Variants in CNTN4 observed in about 807,000 individuals in gnomAD.
CNTN4 encodes the protein contactin 4.
In CNTN4, 77 loss-of-function variants were observed where a neutral mutation model predicts 122.5. That is an observed-to-expected ratio of 0.63 (90% CI 0.52 to 0.76). CNTN4 has a LOEUF of 0.76. CNTN4 is among the 30% of genes least tolerant of loss of function. CNTN4 has a pLI of 0.00. For missense variants in CNTN4, 1,256 were observed against 1,259.1 expected, an observed-to-expected ratio of 1.00 and a Z score of 0.04; for synonymous variants, 512 against 447.0, an observed-to-expected ratio of 1.15 and a Z score of -1.83.
At chr3:2,478,399 T>A (rs1157410038) in intron 3 of CNTN4, among the ~76,000 whole-genome samples, 1 of 88,442 alleles carries the variant, frequency 1.1e-5, no homozygotes, top group Non-Finnish European at 2.2e-5. Flanking sequence ...GTCTTTTCTT[T>A]ATCTGTTTGT....
At chr3:2,963,760 A>ATATTTGCTT (rs1243873393) in intron 13 of CNTN4, among the ~76,000 whole-genome samples, 1 of 152,120 alleles carries the variant, frequency 6.6e-6, no homozygotes, top group Non-Finnish European at 1.5e-5. Context: ...TATCACATTC[A>ATATTTGCTT]TATTTGCTTT....
chr3:2,367,442 G>A (rs1164998172), intron 3 of CNTN4, among the ~76,000 whole-genome samples: 1 of 152,164 alleles, frequency 6.6e-6, no homozygotes. Context: ...CTTAATTATA[G>A]TTACGGTGTA....
intron 7 of CNTN4, among the ~76,000 whole-genome samples, chr3:2,829,329 A>G (rs2093053293): frequency 6.6e-6 from 1 of 152,216 alleles, no homozygotes; most frequent in Non-Finnish European, 1.5e-5. Context: ...GTGATAAACT[A>G]TCTGACCCAC....
At chr3:3,031,902 A>G (rs550155176) in intron 16 of CNTN4, among the ~76,000 whole-genome samples, 1 of 152,302 alleles carries the variant, frequency 6.6e-6, no homozygotes, top group South Asian at 2.1e-4. Flanking sequence ...ATAAAAATTT[A>G]GGGTATGAGC....
chr3:2,666,467 T>C (rs2150335169), intron 4 of CNTN4, among the ~76,000 whole-genome samples: 1 of 152,342 alleles, frequency 6.6e-6, no homozygotes, highest in Non-Finnish European at 1.5e-5. Flanking sequence ...AATAAGTGGC[T>C]CTTTTATGAT....
At chr3:2,689,436 G>A (rs1332571026) in intron 4 of CNTN4, among the ~76,000 whole-genome samples, 1 of 152,094 alleles carries the variant, frequency 6.6e-6, no homozygotes, top group African/African-American at 2.4e-5. Flanking sequence ...CCATGCAAAT[G>A]CCTGACTCCC....
At chr3:2,686,444 C>T (rs2085434235) in intron 4 of CNTN4, among the ~76,000 whole-genome samples, 2 of 152,074 alleles carry the variant, frequency 1.3e-5, no homozygotes, top group Non-Finnish European at 2.9e-5. Flanking sequence ...ATATAGTTTC[C>T]CGGTTACTGC....
Position 2,882,946 on chromosome 3 carries a change from C to T in CNTN4, c.653-199C>T, listed in dbSNP as rs368855930. 4.2e-5 allele frequency: 22 copies of T among 523,362 alleles called. 1 individual carries two copies. The highest frequency in any genetic ancestry group is 2.3e-4 in the African/African-American group (12 of 51,932). 32.4% of individuals were successfully genotyped at this position (523,362 alleles called of 1,614,324 possible). ...AATCCAGGCAAATGGTGTGGTTCTG[C>T]GACACAAATTTTTCTGTAGCAGTAA... is the stretch of plus-strand genomic sequence containing the variant. On this transcript the variant is annotated intron_variant, in intron 8 of 24. Coordinates refer to ENST00000418658, the MANE Select transcript of CNTN4 (RefSeq NM_175607.3).
At chr3:2,270,538 C>T (rs1197404966) in intron 2 of CNTN4, among the ~76,000 whole-genome samples, 2 of 152,024 alleles carry the variant, frequency 1.3e-5, no homozygotes, top group Non-Finnish European at 2.9e-5. Flanking sequence ...TTGTTATGAC[C>T]TGTGGGGCCC....
chr3:2,591,603 A>G (rs2080492856), intron 4 of CNTN4, among the ~76,000 whole-genome samples: 1 of 144,336 alleles, frequency 6.9e-6, no homozygotes, highest in East Asian at 2.0e-4. Context: ...TGACCTCGTG[A>G]TCCGCCCGCC....
intron 4 of CNTN4, among the ~76,000 whole-genome samples, chr3:2,597,646 G>C (rs984511902): frequency 1.3e-5 from 2 of 152,114 alleles, no homozygotes; most frequent in African/African-American, 4.8e-5. Context: ...GTGGTGCTGT[G>C]TGCCTATGGA....
chr3:2,951,519 C>G (rs1308416124), intron 13 of CNTN4, among the ~76,000 whole-genome samples: 1 of 152,162 alleles, frequency 6.6e-6, no homozygotes, highest in Non-Finnish European at 1.5e-5. Context: ...CTGTCTGCAG[C>G]CTGGGGGTTG....
At chr3:2,211,945 A>T (rs1266974779) in intron 2 of CNTN4, among the ~76,000 whole-genome samples, 2 of 152,072 alleles carry the variant, frequency 1.3e-5, no homozygotes, top group African/African-American at 4.8e-5. Context: ...AGATATTCTG[A>T]TTCTGATGCT....
chr3:2,813,320 C>T (rs548376487), intron 6 of CNTN4, among the ~76,000 whole-genome samples: 1 of 152,248 alleles, frequency 6.6e-6, no homozygotes, highest in South Asian at 2.1e-4. Flanking sequence ...GAAGCAATAA[C>T]AAAGGGAACT....
intron 6 of CNTN4, among the ~76,000 whole-genome samples, chr3:2,784,471 CTT>C (rs2091733266): frequency 6.6e-6 from 1 of 152,168 alleles, no homozygotes; most frequent in Admixed American, 6.5e-5. Context: ...AAGTTAAGGT[CTT>C]TGCCTGAAGT....
intron 2 of CNTN4, among the ~76,000 whole-genome samples, chr3:2,329,843 G>A (rs1474636425): frequency 6.6e-6 from 1 of 152,078 alleles, no homozygotes; most frequent in African/African-American, 2.4e-5. Context: ...GGCTGTAAAG[G>A]AACAAACAAA....
At chr3:2,207,683 T>C (rs1201936459) in intron 2 of CNTN4, among the ~76,000 whole-genome samples, 2 of 152,106 alleles carry the variant, frequency 1.3e-5, no homozygotes, top group Non-Finnish European at 2.9e-5. Flanking sequence ...AAGTGTGATG[T>C]AGAAGCTGCA....
chr3:2,336,182 T>G (rs150595583), intron 2 of CNTN4, among the ~76,000 whole-genome samples: 1 of 152,130 alleles, frequency 6.6e-6, no homozygotes, highest in Non-Finnish European at 1.5e-5. Flanking sequence ...TAATATTCTC[T>G]TACTGTTTTA....
At chr3:2,607,823 G>GAT (rs2081324264) in intron 4 of CNTN4, among the ~76,000 whole-genome samples, 2 of 152,112 alleles carry the variant, frequency 1.3e-5, no homozygotes, top group South Asian at 4.1e-4. Context: ...TCTGGCTTTT[G>GAT]ATTATGTAGG....
Sources: gnomAD v4.1 joint callset for allele counts (sites outside exome capture counted in the v4.1 genomes callset) on GRCh38, gnomAD v4.1.1 for gene constraint, MANE v1.5 for transcripts, NCBI Gene and HGNC (gene_info 2026-07-23, HGNC 2026-07-21) for gene names.